The following TAB1 variants were observed in gnomAD, a reference collection of about 807,000 sequenced individuals.
The protein encoded by TAB1 is TGF-beta-activated kinase 1 and MAP3K7-binding protein 1.
A neutral mutation model predicts 54.5 loss-of-function variants in TAB1; 30 were observed. The observed-to-expected ratio is 0.55, with a 90% CI of 0.41 to 0.75. TAB1 has a LOEUF of 0.75. TAB1 is among the 30% of genes least tolerant of loss of function. The probability of loss-of-function intolerance (pLI) is 0.00; values close to 1 mark genes in which losing one functional copy is unlikely to be tolerated. For synonymous variants in TAB1, 289 were observed against 286.9 expected, an observed-to-expected ratio of 1.01 and a Z score of -0.07; for missense variants, 609 against 683.2, an observed-to-expected ratio of 0.89 and a Z score of 1.21.
chr22:39,407,372 C>T (rs1045079819), intron 1 of TAB1, among the ~76,000 whole-genome samples: 6 of 152,148 alleles, frequency 3.9e-5, no homozygotes, highest in Admixed American at 1.3e-4. Context: ...ACTTCTTTCC[C>T]GGTTTTTATG....
At chr22:39,421,744 C>G in intron 7 of TAB1, 83 bp from the exon 8 acceptor site, 1 of 1,422,140 alleles carries the variant, frequency 7.0e-7, no homozygotes, top group Non-Finnish European at 9.7e-7. Context: ...ACATTCTGGG[C>G]ATAGATTCCT....
chr22:39,422,435 G>A (rs1246035593), intron 8 of TAB1, among the ~76,000 whole-genome samples: 3 of 123,506 alleles, frequency 2.4e-5, no homozygotes, highest in East Asian at 2.2e-4. Flanking sequence ...TTGAGACAGC[G>A]TCTCCCTCTG....
chr22:39,436,645 G>T, downstream of TAB1: 2 of 1,219,768 alleles, frequency 1.6e-6, no homozygotes, highest in Non-Finnish European at 2.4e-6. Flanking sequence ...GGTCTGACTT[G>T]TGCACTGGGA....
At chr22:39,408,010 C>A (rs1926442422) in intron 1 of TAB1, among the ~76,000 whole-genome samples, 1 of 152,174 alleles carries the variant, frequency 6.6e-6, no homozygotes, top group South Asian at 2.1e-4. Context: ...CAGAAAGGAG[C>A]CATCAGTTTC....
chr22:39,399,964 T>G, intron 1 of TAB1, 129 bp downstream of exon 1: 3 of 1,018,214 alleles, frequency 2.9e-6, no homozygotes, highest in Non-Finnish European at 4.4e-6. Flanking sequence ...TCAGCCACCT[T>G]CTCCTCTCCT....
chr22:39,426,778 C>A lies in TAB1; in HGVS notation c.997C>A (p.Arg333=), dbSNP rs1313723406. The A allele has an allele frequency of 1.2e-6, 2 of 1,613,918 alleles. No individual in the cohort carries two copies. The highest frequency in any genetic ancestry group is 2.7e-5 in the African/African-American group (2 of 74,942). The part of the protein sequence containing the change: ...LDAVAQAVVD[R]VKRIHSDTFA... Reference sequence around the variant, plus strand: ...CGCAGTGGCCCAGGCCGTCGTGGACCGGGTGAAGCGCATCCACAGCGACAC... The same window carrying A: ...CGCAGTGGCCCAGGCCGTCGTGGACAGGGTGAAGCGCATCCACAGCGACAC... The change falls in exon 9 of 11, where the codon CGG becomes AGG. Residue 333 remains arginine (R), a synonymous_variant. Transcript: ENST00000216160.
chr22:39,430,655 G>A lies in TAB1; in HGVS notation c.*433G>A. The A allele has an allele frequency of 9.3e-7, 1 of 1,072,584 alleles. No individual in the cohort carries two copies. The highest frequency in any genetic ancestry group is 1.1e-6 in the Non-Finnish European group (1 of 879,326). The allele number at this position is 1,072,584 out of a possible 1,614,324, so 66.4% of individuals were successfully genotyped here. ...CCATCACCTCCCTCACCTCGGGACA[G>A]TAGCCCTCCACTTCTCCAGCCTCTC... On this transcript the variant is annotated 3_prime_UTR_variant, in exon 11 of 11. Transcript: ENST00000216160.
intron 7 of TAB1, among the ~76,000 whole-genome samples, chr22:39,420,272 A>G (rs995306507): frequency 2.0e-5 from 3 of 152,134 alleles, no homozygotes; most frequent in Admixed American, 2.0e-4. Context: ...CCCCAGAGGC[A>G]TTTTCATAAG....
rs1039913160 is a variant in TAB1 at position 39,419,643 on chromosome 22, C to T, written c.776+13C>T. 7 of 1,570,080 alleles carry T rather than the reference C, an allele frequency of 4.5e-6. No homozygotes were observed. The highest frequency in any genetic ancestry group is 1.1e-5 in the South Asian group (1 of 89,172). ...TTGACCTTCTCAGGTAGGTGCCAGCCCAGCTGTCCCCTGTGCTTGAAAGAA... is the reference window on the plus strand; with the variant it reads ...TTGACCTTCTCAGGTAGGTGCCAGCTCAGCTGTCCCCTGTGCTTGAAAGAA... On this transcript the variant is annotated intron_variant, in intron 7 of 10. Coordinates refer to ENST00000216160, the MANE Select transcript of TAB1 (RefSeq NM_006116.3).
intron 1 of TAB1, among the ~76,000 whole-genome samples, chr22:39,409,646 G>A (rs1366212282): frequency 2.0e-5 from 3 of 152,146 alleles, no homozygotes; most frequent in African/African-American, 7.2e-5. Context: ...CCTTCTAGAA[G>A]GTCACTGCCC....
In TAB1 at chr22:39,419,215, C is replaced by G. The variant is rs183739508; in HGVS notation, c.665-304C>G. ...CCCAGCTGCTGCTGAGCTGCTCCTT[C>G]CCTTCCCAGTGAGCTCCAGGCAGAT... On this transcript the variant is annotated intron_variant, in intron 6 of 10. Transcript: ENST00000216160. Among the ~76,000 whole-genome samples the G allele has an allele frequency of 1.7e-4, 26 of 152,314 alleles. No individual in the cohort carries two copies. In the East Asian group the frequency reaches 2.9e-3, roughly 17 times the overall value.
chr22:39,404,483 C>A (rs1926279057), intron 1 of TAB1, among the ~76,000 whole-genome samples: 2 of 151,956 alleles, frequency 1.3e-5, no homozygotes, highest in Admixed American at 6.6e-5. Flanking sequence ...GGGGTGATTG[C>A]CTGAGCCCAG....
At chr22:39,420,416 G>A (rs752189210) in intron 7 of TAB1, among the ~76,000 whole-genome samples, 7 of 152,116 alleles carry the variant, frequency 4.6e-5, no homozygotes, top group East Asian at 1.9e-4. Flanking sequence ...GGAGATAGGC[G>A]CGTCCACTTG....
At chr22:39,418,527 A>G (rs140953267) in intron 5 of TAB1, among the ~76,000 whole-genome samples, 10 of 152,286 alleles carry the variant, frequency 6.6e-5, no homozygotes, top group African/African-American at 2.2e-4. Flanking sequence ...TCATAATCCT[A>G]TGATTACACT....
At position 39,430,227 on chromosome 22, in the gene TAB1, G is replaced by T; in HGVS notation, c.*5G>T. The T allele has an allele frequency of 1.2e-6, 2 of 1,610,620 alleles. No homozygotes were observed. The highest frequency in any genetic ancestry group is 1.7e-6 in the Non-Finnish European group (2 of 1,179,978). Reference sequence around the variant, plus strand: ...AGCGTGGTGACAGCACCGTAGGGCAGCCGGAGAATGCAGCCCAAGCAGGGC... The same window carrying T: ...AGCGTGGTGACAGCACCGTAGGGCATCCGGAGAATGCAGCCCAAGCAGGGC... On this transcript the variant is annotated 3_prime_UTR_variant, in exon 11 of 11. Transcript: ENST00000216160.
intron 1 of TAB1, among the ~76,000 whole-genome samples, chr22:39,400,575 C>G (rs150071346): frequency 4.6e-5 from 7 of 152,352 alleles, no homozygotes; most frequent in Non-Finnish European, 1.0e-4. Flanking sequence ...GGGTTTGGCG[C>G]TGTCTTCCAG....
At chr22:39,403,193 A>G (rs1388194418) in intron 1 of TAB1, among the ~76,000 whole-genome samples, 1 of 152,232 alleles carries the variant, frequency 6.6e-6, no homozygotes, top group Non-Finnish European at 1.5e-5. Flanking sequence ...ATGGTCTAGT[A>G]AAGGGGACAG....
chr22:39,421,682 C>A, intron 7 of TAB1, 145 bp from the exon 8 acceptor site: 2 of 872,840 alleles, frequency 2.3e-6, no homozygotes, highest in Non-Finnish European at 3.5e-6. Flanking sequence ...ATTTTTCTGA[C>A]CTTCTCTTTC....
rs751659677 is a variant in TAB1, at chr22:39,426,807, C to T, written c.1026C>T (p.Phe342=). The T allele has an allele frequency of 1.8e-5, 29 of 1,613,896 alleles. No individual in the cohort carries two copies. The highest frequency in any genetic ancestry group is 1.6e-4 in the African/African-American group (12 of 74,952). ...TGAAGCGCATCCACAGCGACACCTT[C>T]GCCAGTGGTGGGGAGCGTGCCAGGT... ...DRVKRIHSDT[F]ASGGERARFC... is the part of the protein sequence containing the mutation. The change falls in exon 9 of 11, where the codon TTC becomes TTT. Residue 342 remains phenylalanine, a synonymous_variant. Transcript: ENST00000216160.
Sources: gnomAD v4.1 joint callset for allele counts (sites outside exome capture counted in the v4.1 genomes callset) on GRCh38, gnomAD v4.1.1 for gene constraint, MANE v1.5 for transcripts, NCBI Gene and HGNC (gene_info 2026-07-23, HGNC 2026-07-21) for gene names.